The following NCOA2 variants were observed in gnomAD, a reference collection of about 807,000 sequenced individuals.
The protein encoded by NCOA2 is class E basic helix-loop-helix protein 75.
In NCOA2, 21 loss-of-function variants were observed where a neutral mutation model predicts 145.1. The ratio of observed to expected loss-of-function variants is 0.14; its 90% CI spans 0.10 to 0.21. The LOEUF (loss-of-function observed/expected upper bound fraction) is 0.21. Ranked by LOEUF, NCOA2 falls within the 10% of genes least tolerant of loss-of-function variation. NCOA2 has a pLI of 1.00. For missense variants in NCOA2, 1,472 were observed against 1,837.6 expected, an observed-to-expected ratio of 0.80 and a Z score of 3.64; for synonymous variants, 619 against 637.5, an observed-to-expected ratio of 0.97 and a Z score of 0.44.
intron 1 of NCOA2, among the ~76,000 whole-genome samples, chr8:70,299,003 T>G (rs1265388125): frequency 2.0e-5 from 3 of 151,960 alleles, no homozygotes; most frequent in Non-Finnish European, 4.4e-5. Flanking sequence ...GAGCTTGCAG[T>G]GAGCCGAGAT....
chr8:70,241,767 C>G (rs181279325), intron 2 of NCOA2, among the ~76,000 whole-genome samples: 24 of 152,248 alleles, frequency 1.6e-4, no homozygotes, highest in African/African-American at 5.5e-4. Flanking sequence ...CATCTCCCAA[C>G]TGTGAAACAG....
At chr8:70,250,914 T>C (rs1031294940) in intron 2 of NCOA2, among the ~76,000 whole-genome samples, 2 of 152,210 alleles carry the variant, frequency 1.3e-5, no homozygotes, top group African/African-American at 4.8e-5. Context: ...CATGAAATAA[T>C]TTATATGTTA....
the NCOA2 span, among the ~76,000 whole-genome samples, chr8:70,429,517 T>A: frequency 6.6e-6 from 1 of 152,256 alleles, no homozygotes; most frequent in Admixed American, 6.5e-5. Flanking sequence ...TTATGTTTCT[T>A]TCTAGATTAG....
chr8:70,157,585 T>C (rs1812430767), intron 10 of NCOA2, among the ~76,000 whole-genome samples: 1 of 152,214 alleles, frequency 6.6e-6, no homozygotes, highest in African/African-American at 2.4e-5. Flanking sequence ...TGAGAGCTTG[T>C]ACTGTCTTAA....
chr8:70,373,783 A>C (rs1436961430), intron 1 of NCOA2, among the ~76,000 whole-genome samples: 1 of 152,170 alleles, frequency 6.6e-6, no homozygotes, highest in Non-Finnish European at 1.5e-5. Flanking sequence ...CAGTTGTTTT[A>C]ACATCATTTG....
chr8:70,192,806 T>C (rs1586034033), intron 4 of NCOA2, among the ~76,000 whole-genome samples: 1 of 152,098 alleles, frequency 6.6e-6, no homozygotes, highest in South Asian at 2.1e-4. Flanking sequence ...CGGTGGCTCA[T>C]GCCTGTAATC....
At position 70,188,811 on chromosome 8, in the gene NCOA2, T is replaced by C. The variant is rs1215718097; in HGVS notation, c.260-13952A>G. 2.0e-5 allele frequency among the ~76,000 whole-genome samples: 3 copies of C among 152,220 alleles called. No homozygotes were observed. The East Asian group carries it at 5.8e-4, about 29-fold the overall frequency. On this transcript the variant is annotated intron_variant, in intron 4 of 22. Coordinates refer to ENST00000452400, the MANE Select transcript of NCOA2 (RefSeq NM_006540.4). ...ATCAGAAACTTACAAGAAAGAAAAG[T>C]ATATTTTATTAAAATTATTTTGTGA...
chr8:70,347,390 C>A (rs1307751345), intron 1 of NCOA2, among the ~76,000 whole-genome samples: 2 of 151,732 alleles, frequency 1.3e-5, no homozygotes, highest in African/African-American at 2.4e-5. Flanking sequence ...GAAACTGAGG[C>A]AGGAGACTCA....
intron 4 of NCOA2, among the ~76,000 whole-genome samples, chr8:70,209,597 G>T (rs1011052551): frequency 6.6e-6 from 1 of 152,126 alleles, no homozygotes; most frequent in Non-Finnish European, 1.5e-5. Context: ...CTCCCACCCT[G>T]ATCAGTCAGC....
intron 2 of NCOA2, among the ~76,000 whole-genome samples, chr8:70,236,303 G>A (rs149960790): frequency 2.4e-4 from 36 of 151,700 alleles, no homozygotes; most frequent in East Asian, 9.7e-4. Flanking sequence ...AATAGTCTTC[G>A]CTCCCTCCAA....
chr8:70,361,692 T>A (rs1308768732), intron 1 of NCOA2, among the ~76,000 whole-genome samples: 1 of 152,250 alleles, frequency 6.6e-6, no homozygotes, highest in East Asian at 1.9e-4. Context: ...AGAACCAACC[T>A]GTTCCATTAA....
chr8:70,216,895 T>C (rs1322419026), intron 2 of NCOA2, 131 bp from the exon 3 acceptor site: 6 of 589,916 alleles, frequency 1.0e-5, no homozygotes, highest in Admixed American at 2.9e-5. Flanking sequence ...AACATTGTTT[T>C]ATGTGCATGT....
intron 1 of NCOA2, among the ~76,000 whole-genome samples, chr8:70,400,817 C>T (rs548010972): frequency 1.3e-5 from 2 of 152,286 alleles, no homozygotes; most frequent in South Asian, 4.1e-4. Context: ...AAATACTGTT[C>T]CCTAGAACTG....
chr8:70,144,486 A>G (rs1810799029), intron 13 of NCOA2, among the ~76,000 whole-genome samples, 156 bp downstream of exon 13: 1 of 152,240 alleles, frequency 6.6e-6, no homozygotes, highest in Non-Finnish European at 1.5e-5. Flanking sequence ...CCCACATGCC[A>G]TTCTCACAGT....
chr8:70,302,058 C>T (rs1199046647), intron 1 of NCOA2, among the ~76,000 whole-genome samples: 3 of 152,050 alleles, frequency 2.0e-5, no homozygotes, highest in Non-Finnish European at 2.9e-5. Context: ...CAAAAAACAC[C>T]TTTAAGTCAC....
intron 19 of NCOA2, 110 bp downstream of exon 19, chr8:70,126,703 A>T: frequency 1.0e-6 from 1 of 957,026 alleles, no homozygotes. Flanking sequence ...GGTTAGCCAG[A>T]TTCATCTGGG....
intron 2 of NCOA2, among the ~76,000 whole-genome samples, chr8:70,257,696 C>T (rs1823751518): frequency 6.6e-6 from 1 of 152,024 alleles, no homozygotes; most frequent in Admixed American, 6.6e-5. Flanking sequence ...GAGAACCACA[C>T]AGAGACTATA....
At chr8:70,226,827 C>T (rs1586173392) in intron 2 of NCOA2, among the ~76,000 whole-genome samples, 1 of 152,026 alleles carries the variant, frequency 6.6e-6, no homozygotes, top group Non-Finnish European at 1.5e-5. Flanking sequence ...TCTACCAACT[C>T]TTTCAGAGCA....
chr8:70,417,873 T>G, the NCOA2 span, among the ~76,000 whole-genome samples: 1 of 152,214 alleles, frequency 6.6e-6, no homozygotes, highest in Non-Finnish European at 1.5e-5. Context: ...GAATAAATCA[T>G]TCCAGCAGTA....
Sources: gnomAD v4.1 joint callset for allele counts (sites outside exome capture counted in the v4.1 genomes callset) on GRCh38, gnomAD v4.1.1 for gene constraint, MANE v1.5 for transcripts, NCBI Gene and HGNC (gene_info 2026-07-23, HGNC 2026-07-21) for gene names.